Variants in MARCHF1 observed in about 807,000 individuals in gnomAD.
The protein encoded by MARCHF1 is E3 ubiquitin-protein ligase MARCHF1.
Under a neutral mutation model 54.2 loss-of-function variants are expected in MARCHF1, and 40 were observed. That is an observed-to-expected ratio of 0.74 (90% CI 0.57 to 0.96). The LOEUF (loss-of-function observed/expected upper bound fraction) is 0.96. Among genes scored for constraint, MARCHF1 ranks in the 40% least tolerant of loss-of-function variants. The pLI, the probability that MARCHF1 is intolerant of heterozygous loss-of-function variation, is 0.00. For missense variants in MARCHF1, 586 were observed against 656.5 expected, an observed-to-expected ratio of 0.89 and a Z score of 1.17; for synonymous variants, 236 against 236.3, an observed-to-expected ratio of 1.00 and a Z score of 0.01.
intron 2 of MARCHF1, among the ~76,000 whole-genome samples, chr4:164,059,127 T>C (rs1204019324): frequency 1.3e-5 from 2 of 152,186 alleles, no homozygotes; most frequent in Non-Finnish European, 1.5e-5. Flanking sequence ...CATCTAGTTG[T>C]ATGCAGAAGG....
chr4:163,734,982 T>A (rs887582450), intron 4 of MARCHF1, among the ~76,000 whole-genome samples: 1 of 152,224 alleles, frequency 6.6e-6, no homozygotes, highest in Non-Finnish European at 1.5e-5. Flanking sequence ...TCCTTGCTAG[T>A]GTTTTATACT....
chr4:164,009,996 C>A (rs533101419), intron 2 of MARCHF1, among the ~76,000 whole-genome samples: 7 of 148,800 alleles, frequency 4.7e-5, no homozygotes, highest in Non-Finnish European at 1.0e-4. Context: ...AAAAAGAAGT[C>A]AAATTATCCT....
intron 4 of MARCHF1, among the ~76,000 whole-genome samples, chr4:163,721,240 G>C (rs187402089): frequency 1.4e-4 from 21 of 152,132 alleles, no homozygotes; most frequent in African/African-American, 3.9e-4. Flanking sequence ...TAGCATGAAG[G>C]GTTGTTGAAT....
At chr4:163,659,632 G>A (rs1408649901) in intron 5 of MARCHF1, among the ~76,000 whole-genome samples, 3 of 152,016 alleles carry the variant, frequency 2.0e-5, no homozygotes, top group African/African-American at 7.2e-5. Context: ...CAGAATGGGA[G>A]AGAATTTTTG....
At chr4:164,045,029 T>C (rs929084143) in intron 2 of MARCHF1, among the ~76,000 whole-genome samples, 4 of 152,070 alleles carry the variant, frequency 2.6e-5, no homozygotes, top group African/African-American at 4.8e-5. Context: ...GAAACTAATG[T>C]AGCTCTTGTG....
At chr4:163,566,548 C>A (rs1222018198) in intron 8 of MARCHF1, among the ~76,000 whole-genome samples, 1 of 152,182 alleles carries the variant, frequency 6.6e-6, no homozygotes, top group Non-Finnish European at 1.5e-5. Context: ...TTTGTTCCAA[C>A]TGGCATTTAT....
rs1255682949 is a variant in MARCHF1, at chr4:163,711,366, C to G, written c.112-10503G>C. ...ATAATTAAAGTATCATGTTCATTTGCGTTTCAAATGTTATTTTCACAGGTG... is the reference window on the plus strand; with the variant it reads ...ATAATTAAAGTATCATGTTCATTTGGGTTTCAAATGTTATTTTCACAGGTG... On this transcript the variant is annotated intron_variant, in intron 4 of 9. Transcript: ENST00000514618. 2.0e-5 allele frequency among the ~76,000 whole-genome samples: 3 copies of G among 152,170 alleles called. No individual in the cohort carries two copies. In the East Asian group the frequency reaches 5.8e-4, roughly 29 times the overall value.
intron 1 of MARCHF1, among the ~76,000 whole-genome samples, chr4:164,378,213 T>C (rs969683097): frequency 6.6e-6 from 1 of 152,178 alleles, no homozygotes; most frequent in African/African-American, 2.4e-5. Context: ...AGTGAGAGAC[T>C]AAGAATACGG....
At chr4:163,921,379 C>CA (rs61116834) in intron 3 of MARCHF1, among the ~76,000 whole-genome samples, 32,563 of 151,480 alleles carry the variant, frequency 0.21, 4,263 homozygotes, top group East Asian at 0.4. Context: ...ATCATCACTT[C>CA]AAAAAAAAGA....
rs180728491 is a variant in MARCHF1, at chr4:164,359,765, T to C, written c.-323+24105A>G. 1.2e-4 allele frequency among the ~76,000 whole-genome samples: 18 copies of C among 152,230 alleles called. No homozygotes were observed. In the East Asian group the frequency reaches 3.5e-3, roughly 30 times the overall value. ...ACTGACAGTGCTGTAACATATGTGC[T>C]TACATTTTAGCTACCACCTGTAAGT... On this transcript the variant is annotated intron_variant, in intron 1 of 9. Coordinates refer to ENST00000514618, the MANE Select transcript of MARCHF1 (RefSeq NM_001394959.1).
chr4:164,197,710 A>C, intron 1 of MARCHF1: 2 of 1,611,724 alleles, frequency 1.2e-6, no homozygotes, highest in Non-Finnish European at 1.7e-6. Context: ...GCCCATCTCC[A>C]TCTCTCGCGC....
chr4:163,913,732 C>A (rs1751246114), intron 3 of MARCHF1, among the ~76,000 whole-genome samples: 1 of 152,194 alleles, frequency 6.6e-6, no homozygotes, highest in Non-Finnish European at 1.5e-5. Context: ...AAACCCCAAT[C>A]CTACTGCTTT....
At chr4:164,249,748 T>C (rs547992679) in intron 1 of MARCHF1, among the ~76,000 whole-genome samples, 29 of 137,496 alleles carry the variant, frequency 2.1e-4, no homozygotes, top group African/African-American at 7.2e-4. Flanking sequence ...TGACCTAGAA[T>C]ACAGACGGTT....
chr4:164,148,297 AAATC>A (rs1729828262), intron 1 of MARCHF1, among the ~76,000 whole-genome samples: 1 of 152,146 alleles, frequency 6.6e-6, no homozygotes, highest in African/African-American at 2.4e-5. Flanking sequence ...TACAATTCCA[AAATC>A]AATCAATATC....
At chr4:164,158,622 CAG>C (rs1388597194) in intron 1 of MARCHF1, among the ~76,000 whole-genome samples, 1 of 152,062 alleles carries the variant, frequency 6.6e-6, no homozygotes. Flanking sequence ...GGCTGGGTGA[CAG>C]AGTGAGACTC....
intron 1 of MARCHF1, among the ~76,000 whole-genome samples, chr4:164,323,163 T>A (rs1226201025): frequency 6.6e-6 from 1 of 151,900 alleles, no homozygotes; most frequent in Non-Finnish European, 1.5e-5. Flanking sequence ...CTTTCTAAGT[T>A]CTTACAGGTT....
chr4:163,575,939 T>C (rs1740021638), intron 8 of MARCHF1, among the ~76,000 whole-genome samples: 1 of 152,056 alleles, frequency 6.6e-6, no homozygotes, highest in South Asian at 2.1e-4. Flanking sequence ...GTCTTTTCCC[T>C]TGTTAATCTA....
intron 1 of MARCHF1, chr4:164,189,733 C>A: frequency 8.5e-7 from 1 of 1,175,112 alleles, no homozygotes; most frequent in Non-Finnish European, 1.3e-6. Flanking sequence ...TTTTCTATAG[C>A]TTCTGATAAT....
chr4:163,706,479 A>G (rs1461713206), intron 4 of MARCHF1, among the ~76,000 whole-genome samples: 2 of 152,100 alleles, frequency 1.3e-5, no homozygotes, highest in African/African-American at 4.8e-5. Context: ...TTAGCAATAA[A>G]TATCCAGAAA....
Sources: allele counts gnomAD v4.1 joint callset (sites outside exome capture counted in the v4.1 genomes callset), GRCh38; gene constraint gnomAD v4.1.1; transcripts MANE v1.5; gene names NCBI Gene and HGNC (gene_info 2026-07-23, HGNC 2026-07-21).